The following EPS15L1 variants were observed in gnomAD, a reference collection of about 807,000 sequenced individuals.
EPS15L1 encodes the protein epidermal growth factor receptor substrate 15-like 1.
A neutral mutation model predicts 117.1 loss-of-function variants in EPS15L1; 43 were observed. The observed-to-expected ratio is 0.37, with a 90% confidence interval of 0.29 to 0.47. The LOEUF is 0.47. Ranked by LOEUF, EPS15L1 falls within the 20% of genes least tolerant of loss-of-function variation. EPS15L1 has a pLI of 0.99. For synonymous variants in EPS15L1, 459 were observed against 470.5 expected (o/e 0.98, Z 0.32); for missense variants, 981 against 1,164.0 (o/e 0.84, Z 2.29).
intron 23 of EPS15L1, 27 bp downstream of exon 23, chr19:16,361,752 G>A (rs2092054768): frequency 4.4e-6 from 7 of 1,599,740 alleles, no homozygotes; most frequent in African/African-American, 4.0e-5. Context: ...GGAGTGGGGT[G>A]GCCCGGAGGC....
chr19:16,389,846 CT>C (rs1454383601), intron 19 of EPS15L1, among the ~76,000 whole-genome samples: 2 of 152,002 alleles, frequency 1.3e-5, no homozygotes, highest in African/African-American at 4.8e-5. Flanking sequence ...AAAGTTAAAG[CT>C]GTACATGATA....
chr19:16,406,880 G>C (rs2092662067), intron 13 of EPS15L1, among the ~76,000 whole-genome samples: 1 of 152,188 alleles, frequency 6.6e-6, no homozygotes, highest in Non-Finnish European at 1.5e-5. Flanking sequence ...TATTAGGTGT[G>C]GGGCCTCTAG....
At chr19:16,358,288 G>A (rs2092008782) in intron 23 of EPS15L1, 1 of 153,038 alleles carries the variant, frequency 6.5e-6, no homozygotes. Context: ...TTGCATTGGT[G>A]AGGTCTGTAT....
Position 16,403,879 on chromosome 19 carries a change from G to C in EPS15L1, c.1480C>G (p.Gln494Glu), listed in dbSNP as rs1003674204. ...IQSQESDLKS[Q>E]EDDLNRAKSE... Reference sequence around the variant, plus strand: ...TTGGCTCGGTTCAGATCGTCTTCCTGGGACTTTAAGTCAGATTCCTGAGAT... The same window carrying C: ...TTGGCTCGGTTCAGATCGTCTTCCTCGGACTTTAAGTCAGATTCCTGAGAT... Residue 494 changes from glutamine to glutamate, a missense_variant, in exon 15 of 24, where the codon CAG (glutamine) becomes GAG (glutamate). By Grantham distance (29) the Gln-to-Glu change is conservative. Transcript: ENST00000455140. 1.2e-6 allele frequency: 2 copies of C among 1,613,996 alleles called. No homozygotes were observed. Among genetic ancestry groups the C allele is most frequent in the Non-Finnish European group, 1.7e-6 (2 of 1,180,028 alleles).
rs559087038 is a variant in EPS15L1 at position 16,393,749 on chromosome 19, G to A, written c.1966+202C>T. 1.2e-4 allele frequency among the ~76,000 whole-genome samples: 18 copies of A among 152,122 alleles called. No homozygotes were observed. The East Asian group carries it at 1.7e-3, about 15-fold the overall frequency. On this transcript the variant is annotated intron_variant, in intron 18 of 23. Transcript: ENST00000455140. ...CCCACCACACTCCAGGGTGGGGTGC[G>A]GGCAGTGACTGGACCTGGGGAGGGG...
chr19:16,358,257 T>G (rs1007165525), intron 23 of EPS15L1: 19 of 152,956 alleles, frequency 1.2e-4, no homozygotes, highest in African/African-American at 4.6e-4. Flanking sequence ...CAAGGCCAGC[T>G]CACGAATCCA....
chr19:16,392,287 C>G lies in EPS15L1; in HGVS notation c.2103+17G>C. The G allele has an allele frequency of 1.2e-6, 2 of 1,613,694 alleles. No individual in the cohort carries two copies. Among genetic ancestry groups the G allele is most frequent in the South Asian group, 1.1e-5 (1 of 91,062 alleles). On this transcript the variant is annotated intron_variant, in intron 19 of 23. Transcript: ENST00000455140. Reference sequence around the variant, plus strand: ...GCAGGCACGCAGCTCTCCCGGGCAACGTCCCACCCCACTCACCTTCGAAGG... The same window carrying G: ...GCAGGCACGCAGCTCTCCCGGGCAAGGTCCCACCCCACTCACCTTCGAAGG...
chr19:16,372,076 C>A (rs2092232597), intron 22 of EPS15L1, among the ~76,000 whole-genome samples: 1 of 152,196 alleles, frequency 6.6e-6, no homozygotes, highest in African/African-American at 2.4e-5. Flanking sequence ...GTGCCCACAC[C>A]AAAGCTCCAT....
chr19:16,377,218 C>G lies in EPS15L1; in HGVS notation c.2284G>C (p.Gly762Arg), dbSNP rs1307938620. ...PSGPFTSSLG[G>R]AGFSDDPFKS... ...AAGGGGTCATCTGAGAATCCTGCCC[C>G]TCCCAAGGAGGAGGTGAAAGGGCCA... Residue 762 changes from glycine to arginine, a missense_variant, in exon 22 of 24, where the codon GGG (glycine) becomes CGG (arginine). Transcript: ENST00000455140. 6.2e-7 allele frequency: 1 copy of G among 1,612,746 alleles called. No homozygotes were observed. Among genetic ancestry groups the G allele is most frequent in the African/African-American group, 1.3e-5 (1 of 75,006 alleles).
rs1180693160 is a variant in EPS15L1 at position 16,361,911 on chromosome 19, C to T, written c.2454G>A (p.Gly818=). Residue 818 remains glycine, a synonymous_variant, in exon 23 of 24, where the codon GGG becomes GGA. Transcript: ENST00000455140. The part of the protein sequence containing the change: ...PEAPDPFQPL[G]ADSGDPFQSK... ...TTTGGAACGGGTCGCCGCTGTCAGCCCCGAGTGGCTGGAATGGATCGGGGG... is the reference window on the plus strand; with the variant it reads ...TTTGGAACGGGTCGCCGCTGTCAGCTCCGAGTGGCTGGAATGGATCGGGGG... 3 of 1,614,142 alleles carry T rather than the reference C, an allele frequency of 1.9e-6. No homozygotes were observed. The highest frequency in any genetic ancestry group is 2.5e-6 in the Non-Finnish European group (3 of 1,180,034).
At chr19:16,460,963 T>C (rs891761646) in intron 1 of EPS15L1, among the ~76,000 whole-genome samples, 1 of 152,194 alleles carries the variant, frequency 6.6e-6, no homozygotes, top group African/African-American at 2.4e-5. Context: ...TAGTTTTCTC[T>C]TCCACTGGAA....
Position 16,378,804 on chromosome 19 carries a change from T to C in EPS15L1, c.2248-1550A>G, listed in dbSNP as rs374934623. 3.7e-4 allele frequency among the ~76,000 whole-genome samples: 56 copies of C among 152,150 alleles called. 1 individual carries two copies. Among genetic ancestry groups the C allele is most frequent in the African/African-American group, 1.3e-3 (53 of 41,432 alleles). On this transcript the variant is annotated intron_variant, in intron 21 of 23. Coordinates refer to ENST00000455140, the MANE Select transcript of EPS15L1 (RefSeq NM_001258374.3). ...GGTGTCCCAGGAGGGAGAAAATCAC[T>C]TTCTATGGGCAGAAGAAGGATGAGT...
intron 22 of EPS15L1, among the ~76,000 whole-genome samples, chr19:16,363,228 A>C (rs2092084089): frequency 6.6e-6 from 1 of 152,204 alleles, no homozygotes; most frequent in Non-Finnish European, 1.5e-5. Context: ...GCAGCACCCC[A>C]GACTGGAAGC....
intron 20 of EPS15L1, 75 bp from the exon 21 acceptor site, chr19:16,385,286 T>C (rs1050286402): frequency 1.6e-6 from 2 of 1,236,660 alleles, no homozygotes; most frequent in Non-Finnish European, 2.4e-6. Flanking sequence ...GGGGAAATGC[T>C]AGATGGCCCC....
At chr19:16,357,927 A>T (rs1399389044) in intron 23 of EPS15L1, 1 of 152,312 alleles carries the variant, frequency 6.6e-6, no homozygotes, top group Non-Finnish European at 1.5e-5. Flanking sequence ...AAAAACCAAC[A>T]AGTGCAGGTG....
rs752461112 is a variant in EPS15L1, at chr19:16,424,483, C to T, written c.792+600G>A. Among the ~76,000 whole-genome samples the T allele has an allele frequency of 8.6e-5, 13 of 151,932 alleles. No individual in the cohort carries two copies. The East Asian group carries it at 2.5e-3, about 30-fold the overall frequency. On this transcript the variant is annotated intron_variant, in intron 9 of 23. Transcript: ENST00000455140. ...AGCTTCGTTGCCAGTAAAGTACCTC[C>T]CCTAACCTGACTTTCAAAACTCTTG...
At chr19:16,367,997 G>A (rs1271287146) in intron 22 of EPS15L1, among the ~76,000 whole-genome samples, 1 of 152,068 alleles carries the variant, frequency 6.6e-6, no homozygotes, top group Non-Finnish European at 1.5e-5. Flanking sequence ...GTGTGTGTGT[G>A]TGTGTGTGTT....
chr19:16,385,244 G>T, intron 20 of EPS15L1, 33 bp from the exon 21 acceptor site: 28 of 1,583,654 alleles, frequency 1.8e-5, no homozygotes, highest in Non-Finnish European at 2.3e-5. Flanking sequence ...CAGAGTTACA[G>T]GTCTTTAAGA....
rs754908292 is a variant in EPS15L1, at chr19:16,421,314, C to T, written c.950+5G>A. The T allele has an allele frequency of 1.2e-6, 2 of 1,600,120 alleles. No homozygotes were observed. Among genetic ancestry groups the T allele is most frequent in the Non-Finnish European group, 1.7e-6 (2 of 1,169,248 alleles). On this transcript the variant is annotated splice_donor_5th_base_variant and intron_variant, in intron 10 of 23. Coordinates refer to ENST00000455140, the MANE Select transcript of EPS15L1 (RefSeq NM_001258374.3). ...CAGCCACAACTGCCACCTGTCCGGC[C>T]TTACCATATGTGTGCTAGAAGGTTC...
Sources: allele counts gnomAD v4.1 joint callset (sites outside exome capture counted in the v4.1 genomes callset), GRCh38; gene constraint gnomAD v4.1.1; transcripts MANE v1.5; gene names NCBI Gene and HGNC (gene_info 2026-07-23, HGNC 2026-07-21).